Variants in PLXNA2 observed in about 807,000 individuals in gnomAD.
PLXNA2 encodes the protein plexin A2, also known as plexin-A2.
In PLXNA2, 91 loss-of-function variants were observed where a neutral mutation model predicts 193.5. That is an observed-to-expected ratio of 0.47 (90% CI 0.40 to 0.56). The LOEUF (loss-of-function observed/expected upper bound fraction) is 0.56. PLXNA2 is among the 20% of genes least tolerant of loss of function. PLXNA2 has a pLI of 0.00. For synonymous variants in PLXNA2, 997 were observed against 1,027.3 expected, an observed-to-expected ratio of 0.97 and a Z score of 0.56; for missense variants, 1,995 against 2,503.2, an observed-to-expected ratio of 0.80 and a Z score of 4.33.
intron 3 of PLXNA2, among the ~76,000 whole-genome samples, chr1:208,166,812 C>A (rs11584330): frequency 0.17 from 25,533 of 152,196 alleles, 2,648 homozygotes; most frequent in Non-Finnish European, 0.24. Flanking sequence ...AAGGAAGGGT[C>A]TCTTTGTAAA....
intron 3 of PLXNA2, among the ~76,000 whole-genome samples, chr1:208,149,510 T>C (rs1668690444): frequency 1.3e-5 from 2 of 151,688 alleles, no homozygotes; most frequent in Admixed American, 1.3e-4. Flanking sequence ...GTATGGTGTA[T>C]AGGCACTGTA....
rs193180835 is a variant in PLXNA2, at chr1:208,068,208, A to G, written c.2587-7371T>C. ...GAGTAACTGTCAATAAATATCCCCA[A>G]TTCTCTGTTAAAAGGAAATGCTGGT... On this transcript the variant is annotated intron_variant, in intron 12 of 31. Transcript: ENST00000367033. Among the ~76,000 whole-genome samples, 92 of 152,302 alleles carry G rather than the reference A, an allele frequency of 6.0e-4. 2 individuals carry two copies. In the East Asian group the frequency reaches 0.013, roughly 22 times the overall value.
chr1:208,069,566 G>A (rs761391077), intron 12 of PLXNA2, among the ~76,000 whole-genome samples: 30 of 152,206 alleles, frequency 2.0e-4, no homozygotes, highest in Non-Finnish European at 3.5e-4. Context: ...CTGGGGAGGC[G>A]CTGGAAGGCC....
At chr1:208,098,723 G>T in intron 6 of PLXNA2, 123 bp downstream of exon 6, 1 of 1,139,866 alleles carries the variant, frequency 8.8e-7, no homozygotes, top group Non-Finnish European at 1.2e-6. Flanking sequence ...TAAACATAAA[G>T]TCTCCTTACT....
intron 12 of PLXNA2, 103 bp downstream of exon 12, chr1:208,079,157 C>T (rs921130348): frequency 3.3e-5 from 33 of 991,290 alleles, no homozygotes; most frequent in Non-Finnish European, 4.2e-5. Flanking sequence ...ACTCACTGTA[C>T]GCCAATAATT....
At position 208,045,904 on chromosome 1, in the gene PLXNA2, T is replaced by C; in HGVS notation, c.3469A>G (p.Lys1157Glu). 2 of 1,614,246 alleles carry C rather than the reference T, an allele frequency of 1.2e-6. No homozygotes were observed. The highest frequency in any genetic ancestry group is 1.7e-6 in the Non-Finnish European group (2 of 1,180,040). ...TTCAGAATGATGGGCGATCCTGGCT[T>C]TTGATCCAAGACTCCAGTAGGGCTA... ...LLSPTGVLDQ[K>E]PGSPIILKGK... Residue 1157 changes from lysine (K) to glutamate (E), a missense_variant, in exon 18 of 32, where the codon AAG (lysine) becomes GAG (glutamate). Physicochemically the swap from Lys to Glu is moderately conservative, Grantham distance 56. Transcript: ENST00000367033.
intron 3 of PLXNA2, among the ~76,000 whole-genome samples, chr1:208,167,025 G>C (rs549408560): frequency 1.3e-5 from 2 of 152,180 alleles, no homozygotes; most frequent in African/African-American, 4.8e-5. Context: ...TTGGGGCTAC[G>C]TTGGAATGTC....
At chr1:208,150,022 G>A (rs1415388118) in intron 3 of PLXNA2, among the ~76,000 whole-genome samples, 1 of 152,208 alleles carries the variant, frequency 6.6e-6, no homozygotes, top group African/African-American at 2.4e-5. Context: ...GGCCCTAAAT[G>A]CTTGGCTAAT....
chr1:208,046,067 C>T lies in PLXNA2; in HGVS notation c.3306G>A (p.Leu1102=), dbSNP rs781491958. The part of the protein sequence containing the change: ...TTTLTCLAPS[L]TTDYRPGLDT... ...CCAGGCCAGGGCGGTAGTCCGTGGT[C>T]AGAGAGGGTGCCAGGCAGGTGAGGG... The change falls in exon 18 of 32, where the codon CTG becomes CTA. Residue 1102 remains leucine (L), a synonymous_variant. Coordinates refer to ENST00000367033, the MANE Select transcript of PLXNA2 (RefSeq NM_025179.4). 4.3e-6 allele frequency: 7 copies of T among 1,614,232 alleles called. No individual in the cohort carries two copies. Among genetic ancestry groups the T allele is most frequent in the Non-Finnish European group, 5.1e-6 (6 of 1,180,052 alleles).
At chr1:208,096,546 G>C (rs1233502958) in intron 7 of PLXNA2, among the ~76,000 whole-genome samples, 184 bp downstream of exon 7, 1 of 152,208 alleles carries the variant, frequency 6.6e-6, no homozygotes, top group Non-Finnish European at 1.5e-5. Context: ...TCAAAGTGGA[G>C]CAAGTGTTTT....
chr1:208,108,035 C>T (rs533332479), intron 4 of PLXNA2, among the ~76,000 whole-genome samples: 23 of 152,248 alleles, frequency 1.5e-4, no homozygotes, highest in Admixed American at 1.1e-3. Context: ...GTTCTTGGCT[C>T]TCCTGGCCCC....
chr1:208,163,256 T>C (rs1453799574), intron 3 of PLXNA2, among the ~76,000 whole-genome samples: 2 of 152,116 alleles, frequency 1.3e-5, no homozygotes, highest in African/African-American at 4.8e-5. Flanking sequence ...GAGACTCAGC[T>C]ATACCCTACC....
intron 12 of PLXNA2, among the ~76,000 whole-genome samples, chr1:208,067,135 G>A (rs1665825217): frequency 6.6e-6 from 1 of 152,028 alleles, no homozygotes; most frequent in Admixed American, 6.6e-5. Context: ...ACCTGAGTTC[G>A]GGAGTTTGAG....
rs1558183811 is a variant in PLXNA2, at chr1:208,084,555, T to A, written c.2123A>T (p.Glu708Val). 6.2e-7 allele frequency: 1 copy of A among 1,614,206 alleles called. No homozygotes were observed. Among genetic ancestry groups the A allele is most frequent in the Middle Eastern group, 1.6e-4 (1 of 6,062 alleles). Residue 708 changes from glutamate to valine, a missense_variant, in exon 10 of 32, where the codon GAG (glutamate) becomes GTG (valine). By Grantham distance (121) the Glu-to-Val change is moderately radical. Around this residue, in one of 3 missense-constraint regions of PLXNA2, gnomAD observed 1,291 missense variants for 1,673.6 expected, o/e 0.77. Transcript: ENST00000367033. Reference protein sequence around the residue: ...SEDCPQLVPTEEILIPVGEVK... With the variant: ...SEDCPQLVPTVEILIPVGEVK... ...CTCCCCGACTGGAATCAAGATCTCC[T>A]CTGTGGGCACCAGCTGGGGACAGTC...
rs1395055645 is a variant in PLXNA2, at chr1:208,060,751, G to T, written c.2673C>A (p.Ala891=). The T allele has an allele frequency of 6.2e-7, 1 of 1,614,072 alleles. No homozygotes were observed. Among genetic ancestry groups the T allele is most frequent in the Non-Finnish European group, 8.5e-7 (1 of 1,179,986 alleles). Reference sequence around the variant, plus strand: ...GCACCCCAGCCACCTGCACATGGTGGGCGATCTCGGAGAAGTCCAGACCCA... The same window carrying T: ...GCACCCCAGCCACCTGCACATGGTGTGCGATCTCGGAGAAGTCCAGACCCA... ...VNLGLDFSEI[A]HHVQVAGVPC... Residue 891 remains alanine, a synonymous_variant, in exon 13 of 32, where the codon GCC becomes GCA. Transcript: ENST00000367033.
intron 1 of PLXNA2, among the ~76,000 whole-genome samples, chr1:208,223,242 T>C (rs1318944196): frequency 6.6e-6 from 1 of 151,946 alleles, no homozygotes; most frequent in Non-Finnish European, 1.5e-5. Flanking sequence ...TTTTTTTTTT[T>C]TTTTAATATG....
intron 3 of PLXNA2, among the ~76,000 whole-genome samples, chr1:208,149,892 AGCG>A (rs1668706294): frequency 6.6e-6 from 1 of 152,164 alleles, no homozygotes. Flanking sequence ...CAGCAACAGC[AGCG>A]GTGGCAGTCC....
intron 24 of PLXNA2, among the ~76,000 whole-genome samples, chr1:208,039,321 G>T (rs1033917533): frequency 1.3e-5 from 2 of 152,078 alleles, no homozygotes; most frequent in East Asian, 3.9e-4. Flanking sequence ...CTTCCCCAAA[G>T]CCTCTATGTT....
intron 4 of PLXNA2, among the ~76,000 whole-genome samples, chr1:208,113,349 G>A (rs546253701): frequency 1.3e-5 from 2 of 152,276 alleles, no homozygotes; most frequent in South Asian, 2.1e-4. Context: ...CATGGTTCCA[G>A]TGAGGCCCCA....
Sources: gnomAD v4.1 joint callset for allele counts (sites outside exome capture counted in the v4.1 genomes callset) on GRCh38, gnomAD v4.1.1 for gene constraint, gnomAD v4.1.1 regional missense constraint, MANE v1.5 for transcripts, NCBI Gene and HGNC (gene_info 2026-07-23, HGNC 2026-07-21) for gene names.